Variants in MDGA2 observed in about 807,000 individuals in gnomAD.
MDGA2 encodes MAM domain containing glycosylphosphatidylinositol anchor 2.
In MDGA2, 40 loss-of-function variants were observed where a neutral mutation model predicts 117.8. The observed-to-expected ratio is 0.34, with a 90% CI of 0.26 to 0.44. MDGA2 has a LOEUF of 0.44. MDGA2 is among the 20% of genes least tolerant of loss of function. The pLI, the probability that MDGA2 is intolerant of heterozygous loss-of-function variation, is 1.00. For synonymous variants in MDGA2, 452 were observed against 439.0 expected, an observed-to-expected ratio of 1.03 and a Z score of -0.37; for missense variants, 1,123 against 1,250.6, an observed-to-expected ratio of 0.90 and a Z score of 1.54.
chr14:47,604,720 C>G (rs886263509), intron 1 of MDGA2, among the ~76,000 whole-genome samples: 1 of 152,100 alleles, frequency 6.6e-6, no homozygotes, highest in East Asian at 1.9e-4. Flanking sequence ...GAATTTATTT[C>G]CACATCCTTT....
At chr14:47,033,415 C>T (rs555680466) in intron 8 of MDGA2, among the ~76,000 whole-genome samples, 5 of 152,266 alleles carry the variant, frequency 3.3e-5, no homozygotes, top group East Asian at 1.9e-4. Context: ...GTGCATAACT[C>T]GAAGCAGCTC....
At chr14:47,203,092 A>G (rs1051358052) in intron 3 of MDGA2, among the ~76,000 whole-genome samples, 2 of 152,032 alleles carry the variant, frequency 1.3e-5, no homozygotes, top group Non-Finnish European at 2.9e-5. Flanking sequence ...GCAATTACAG[A>G]TCCTATCACG....
At chr14:47,413,388 A>T (rs1323778394) in intron 1 of MDGA2, among the ~76,000 whole-genome samples, 1 of 152,196 alleles carries the variant, frequency 6.6e-6, no homozygotes, top group Non-Finnish European at 1.5e-5. Context: ...GTTTCTAAAA[A>T]TGGGTCTCTG....
intron 8 of MDGA2, among the ~76,000 whole-genome samples, chr14:46,959,911 C>T (rs1401610375): frequency 6.6e-6 from 1 of 152,038 alleles, no homozygotes; most frequent in Non-Finnish European, 1.5e-5. Flanking sequence ...AATTTCAATC[C>T]TCTTTTTTTA....
intron 1 of MDGA2, among the ~76,000 whole-genome samples, chr14:47,431,526 A>T (rs1892799506): frequency 6.6e-6 from 1 of 152,030 alleles, no homozygotes. Context: ...TGGTATTGTT[A>T]TGATGGAAAA....
intron 1 of MDGA2, among the ~76,000 whole-genome samples, chr14:47,536,130 C>T (rs958504364): frequency 1.3e-5 from 2 of 152,130 alleles, no homozygotes; most frequent in African/African-American, 4.8e-5. Context: ...TGGAACCCTC[C>T]CTCTAGGTGG....
intron 1 of MDGA2, among the ~76,000 whole-genome samples, chr14:47,667,097 C>T (rs1042686987): frequency 6.6e-6 from 1 of 152,194 alleles, no homozygotes; most frequent in Non-Finnish European, 1.5e-5. Context: ...AAACCAAGAA[C>T]CCACCAATTC....
At chr14:47,419,423 C>T (rs1892534723) in intron 1 of MDGA2, among the ~76,000 whole-genome samples, 2 of 152,152 alleles carry the variant, frequency 1.3e-5, no homozygotes, top group East Asian at 1.9e-4. Flanking sequence ...AAGTAAGATG[C>T]TCGAAATCTT....
intron 2 of MDGA2, among the ~76,000 whole-genome samples, chr14:47,260,021 C>T (rs534223965): frequency 1.2e-4 from 18 of 151,936 alleles, no homozygotes; most frequent in Admixed American, 2.6e-4. Flanking sequence ...GGAGCCTAGA[C>T]AAAAAATAAC....
chr14:47,347,906 G>T (rs1159124685), intron 1 of MDGA2, among the ~76,000 whole-genome samples: 1 of 152,092 alleles, frequency 6.6e-6, no homozygotes, highest in Non-Finnish European at 1.5e-5. Context: ...ATAAGGAAAT[G>T]TTCAATAACA....
chr14:47,036,886 T>C (rs1442968024), intron 7 of MDGA2, among the ~76,000 whole-genome samples: 1 of 152,230 alleles, frequency 6.6e-6, no homozygotes, highest in Non-Finnish European at 1.5e-5. Flanking sequence ...TCACTTATTG[T>C]TTAAAACACT....
intron 2 of MDGA2, among the ~76,000 whole-genome samples, chr14:47,261,291 G>A (rs1887787772): frequency 6.6e-6 from 1 of 152,092 alleles, no homozygotes; most frequent in African/African-American, 2.4e-5. Flanking sequence ...TTGGCATTTA[G>A]CTAGAATCTT....
At chr14:47,525,703 A>T (rs1006759335) in intron 1 of MDGA2, among the ~76,000 whole-genome samples, 18 of 151,026 alleles carry the variant, frequency 1.2e-4, no homozygotes, top group East Asian at 5.9e-4. Context: ...ATAAAATAAT[A>T]AAAAAAAAGC....
At chr14:47,102,374 CACACACACACACACACACAA>C (rs1341350630) in intron 5 of MDGA2, among the ~76,000 whole-genome samples, 2 of 143,328 alleles carry the variant, frequency 1.4e-5, no homozygotes, top group African/African-American at 2.9e-5. Flanking sequence ...GAAACACACA[CACACACACACACACACACAA>C]ACACACACAC....
intron 2 of MDGA2, among the ~76,000 whole-genome samples, chr14:47,281,184 A>G (rs909730743): frequency 2.0e-5 from 3 of 150,690 alleles, no homozygotes; most frequent in Non-Finnish European, 4.4e-5. Context: ...GTCTCAAAAT[A>G]TCTTTTTAAG....
chr14:46,859,890 T>C (rs1881439853), intron 14 of MDGA2, among the ~76,000 whole-genome samples: 1 of 152,084 alleles, frequency 6.6e-6, no homozygotes. Flanking sequence ...TAAATTCTAA[T>C]GAACAGAAAA....
chr14:47,079,727 ATT>A (rs35801678), intron 6 of MDGA2, among the ~76,000 whole-genome samples: 51 of 80,066 alleles, frequency 6.4e-4, no homozygotes, highest in African/African-American at 2.6e-3. Flanking sequence ...TTTTCTACTA[ATT>A]TTTTTTTTTT....
intron 2 of MDGA2, among the ~76,000 whole-genome samples, chr14:47,285,715 A>G (rs1045634427): frequency 6.6e-6 from 1 of 152,152 alleles, no homozygotes; most frequent in African/African-American, 2.4e-5. Flanking sequence ...ACATTCCTAC[A>G]GGCATTGAGG....
chr14:47,294,641 C>T (rs540805847), intron 2 of MDGA2, among the ~76,000 whole-genome samples: 11 of 151,630 alleles, frequency 7.3e-5, no homozygotes, highest in African/African-American at 1.7e-4. Context: ...AACCTGCCCA[C>T]ATTAATTGGA....
Sources: gnomAD v4.1 joint callset for allele counts (sites outside exome capture counted in the v4.1 genomes callset) on GRCh38, gnomAD v4.1.1 for gene constraint, MANE v1.5 for transcripts, NCBI Gene and HGNC (gene_info 2026-07-23, HGNC 2026-07-21) for gene names.